Variants in DTX4 observed in about 807,000 individuals in gnomAD.
DTX4 encodes the protein deltex E3 ubiquitin ligase 4.
In DTX4, 28 loss-of-function variants were observed where a neutral mutation model predicts 57.6. That is an observed-to-expected ratio of 0.49 (90% CI 0.36 to 0.67). The LOEUF (loss-of-function observed/expected upper bound fraction) is 0.67, where lower values mean the gene tolerates loss of function less well. Ranked by LOEUF, DTX4 falls within the 30% of genes least tolerant of loss-of-function variation. The pLI, the probability that DTX4 is intolerant of heterozygous loss-of-function variation, is 0.00. For synonymous variants in DTX4, 316 were observed against 331.0 expected, an observed-to-expected ratio of 0.95 and a Z score of 0.49; for missense variants, 715 against 836.8, an observed-to-expected ratio of 0.85 and a Z score of 1.80.
At chr11:59,174,900 C>T (rs1243088369) in intron 1 of DTX4, among the ~76,000 whole-genome samples, 2 of 152,226 alleles carry the variant, frequency 1.3e-5, no homozygotes, top group Non-Finnish European at 2.9e-5. Flanking sequence ...TTCATCCGCT[C>T]ATTGCTAGAG....
In DTX4 at chr11:59,206,775, C is replaced by T. The variant is rs1862816799; in HGVS notation, c.*1866C>T. ...GATGTGCTGGTGCTGAGCCTTTGCTCTCTTTCCAAATGGTTACAGGGATGT... is the reference window on the plus strand; with the variant it reads ...GATGTGCTGGTGCTGAGCCTTTGCTTTCTTTCCAAATGGTTACAGGGATGT... On this transcript the variant is annotated 3_prime_UTR_variant, in exon 9 of 9. Transcript: ENST00000227451. 6.6e-6 allele frequency: 1 copy of T among 152,604 alleles called. No individual in the cohort carries two copies. The highest frequency in any genetic ancestry group is 1.9e-4 in the East Asian group (1 of 5,178). The allele number at this position is 152,604 out of a possible 1,614,324, so 9.5% of individuals were successfully genotyped here.
rs559945597 is a variant in DTX4 at position 59,174,693 on chromosome 11, G to A, written c.211+1887G>A. 5.3e-5 allele frequency among the ~76,000 whole-genome samples: 8 copies of A among 152,226 alleles called. No individual in the cohort carries two copies. The East Asian group carries it at 7.7e-4, about 15-fold the overall frequency. The stretch of plus-strand genomic sequence containing the variant: ...GGTTCATGACCCTTTCTACAGAAGC[G>A]AAGTTGTAGAGAAAACTGGGTGGAA... On this transcript the variant is annotated intron_variant, in intron 1 of 8. Transcript: ENST00000227451.
rs1862792654 is a variant in DTX4, at chr11:59,205,370, C to T, written c.*461C>T. The stretch of plus-strand genomic sequence containing the variant: ...CTCCCTCTGCTGGAGGCAGGGAGCT[C>T]TCACTGTGCAAGGTTGGGGGGTGGG... On this transcript the variant is annotated 3_prime_UTR_variant, in exon 9 of 9. Coordinates refer to ENST00000227451, the MANE Select transcript of DTX4 (RefSeq NM_015177.2). The T allele has an allele frequency of 5.5e-6, 1 of 183,420 alleles. No homozygotes were observed. 11.4% of individuals were successfully genotyped at this position (183,420 alleles called of 1,614,324 possible). A position where few individuals can be genotyped will look rare whatever the true frequency, so the allele number is the denominator to read the frequency against.
chr11:59,173,594 G>GA (rs1862357137), intron 1 of DTX4, among the ~76,000 whole-genome samples: 1 of 152,196 alleles, frequency 6.6e-6, no homozygotes, highest in East Asian at 1.9e-4. Flanking sequence ...TTCCTAAGGA[G>GA]AAACTGTCCC....
At chr11:59,188,191 G>A (rs1487819611) in intron 2 of DTX4, among the ~76,000 whole-genome samples, 1 of 152,192 alleles carries the variant, frequency 6.6e-6, no homozygotes, top group Non-Finnish European at 1.5e-5. Flanking sequence ...GATTCTAGAA[G>A]GGGGCATAAT....
In DTX4 at chr11:59,189,328, C is replaced by T; in HGVS notation, c.1159+5C>T. 6.5e-7 allele frequency: 1 copy of T among 1,537,244 alleles called. No homozygotes were observed. On this transcript the variant is annotated splice_donor_5th_base_variant and intron_variant, in intron 4 of 8. Transcript: ENST00000227451. The stretch of plus-strand genomic sequence containing the variant: ...CCAAAAAACAAGCCAAGAAAGGTAC[C>T]AGCCTCTTGTCTCGTGGGGTACTGA...
At chr11:59,192,859 A>G (rs1243362358) in intron 6 of DTX4, among the ~76,000 whole-genome samples, 2 of 152,214 alleles carry the variant, frequency 1.3e-5, no homozygotes, top group African/African-American at 2.4e-5. Flanking sequence ...TTATCTGACA[A>G]TGCAATGGTA....
chr11:59,204,694 G>C lies in DTX4; in HGVS notation c.1645G>C (p.Val549Leu). 6.2e-7 allele frequency: 1 copy of C among 1,613,128 alleles called. No individual in the cohort carries two copies. Among genetic ancestry groups the C allele is most frequent in the Non-Finnish European group, 8.5e-7 (1 of 1,179,588 alleles). ...KGRKVLKLLL[V>L]AWDRRLIFAI... ...CCTCTAGGTTCTGAAGCTGCTGCTC[G>C]TGGCCTGGGATCGCCGCCTCATTTT... The change falls in exon 9 of 9, where the codon GTG becomes CTG. Residue 549 changes from valine (V) to leucine (L), a missense_variant. Coordinates refer to ENST00000227451, the MANE Select transcript of DTX4 (RefSeq NM_015177.2).
chr11:59,195,049 C>A, intron 6 of DTX4, 159 bp from the exon 7 acceptor site: 1 of 727,348 alleles, frequency 1.4e-6, no homozygotes. Context: ...GCAGAAATAG[C>A]CTAGGTGACT....
chr11:59,172,819 C>A lies in DTX4; in HGVS notation c.211+13C>A, dbSNP rs374221571. On this transcript the variant is annotated intron_variant, in intron 1 of 8. Transcript: ENST00000227451. ...CGCCAAGACACGGGTGAGCCAGCCG[C>A]CCCTGACCCCGCCCCGCCTGCTCCC... 8.5e-6 allele frequency: 13 copies of A among 1,521,920 alleles called. No homozygotes were observed. The East Asian group carries it at 2.4e-4, about 28-fold the overall frequency. The allele number at this position is 1,521,920 out of a possible 1,614,324, so 94.3% of individuals were successfully genotyped here.
At chr11:59,202,702 C>T (rs1565222301) in intron 8 of DTX4, among the ~76,000 whole-genome samples, 3 of 152,196 alleles carry the variant, frequency 2.0e-5, no homozygotes, top group Admixed American at 2.0e-4. Context: ...CCCCTAGCCA[C>T]TTACTAGCTA....
intron 5 of DTX4, 56 bp downstream of exon 5, chr11:59,191,231 C>G (rs1169490456): frequency 1.6e-5 from 24 of 1,513,828 alleles, no homozygotes; most frequent in Non-Finnish European, 2.2e-5. Context: ...CAAGCATTTC[C>G]TCTTCTGCTG....
intron 7 of DTX4, among the ~76,000 whole-genome samples, chr11:59,199,063 T>C (rs546310454): frequency 6.6e-6 from 1 of 152,320 alleles, no homozygotes; most frequent in South Asian, 2.1e-4. Flanking sequence ...ACTATCCCAA[T>C]TCCTATTGTT....
intron 1 of DTX4, among the ~76,000 whole-genome samples, chr11:59,173,789 T>TG (rs1046048006): frequency 9.4e-5 from 14 of 148,816 alleles, no homozygotes; most frequent in Admixed American, 2.7e-4. Flanking sequence ...GGGTGGGGAG[T>TG]GGGGGTGCTG....
intron 2 of DTX4, among the ~76,000 whole-genome samples, chr11:59,183,442 C>T (rs1054035902): frequency 2.0e-5 from 3 of 152,092 alleles, no homozygotes; most frequent in African/African-American, 4.8e-5. Context: ...ATCATAAAAT[C>T]GAAGTGACCC....
intron 2 of DTX4, among the ~76,000 whole-genome samples, chr11:59,183,791 C>T (rs758166889): frequency 3.3e-5 from 5 of 152,218 alleles, no homozygotes; most frequent in Non-Finnish European, 7.3e-5. Flanking sequence ...GGGTGAGCCA[C>T]AGAATCTTTG....
chr11:59,194,462 A>C (rs1229026049), intron 6 of DTX4, among the ~76,000 whole-genome samples: 2 of 152,174 alleles, frequency 1.3e-5, no homozygotes, highest in Non-Finnish European at 2.9e-5. Flanking sequence ...TTCTCTTTTC[A>C]TAGCAGTAGT....
intron 2 of DTX4, among the ~76,000 whole-genome samples, chr11:59,184,018 T>C (rs1406240754): frequency 6.6e-6 from 1 of 152,240 alleles, no homozygotes; most frequent in Non-Finnish European, 1.5e-5. Context: ...TTCTTTTGGC[T>C]AAAGCCCAGC....
rs1402997966 is a variant in DTX4, at chr11:59,189,173, A to G, written c.1009A>G (p.Ile337Val). Residue 337 changes from isoleucine to valine, a missense_variant, in exon 4 of 9, where the codon ATC (isoleucine) becomes GTC (valine). Ile to Val is a conservative substitution (Grantham distance 29). Transcript: ENST00000227451. The part of the protein sequence containing the change: ...VNPALAGITG[I>V]LMSAAGLPVC... ...CCTGCCCCTTCCAGGAATCACTGGGATCCTCATGAGTGCAGCGGGGCTGCC... is the reference window on the plus strand; with the variant it reads ...CCTGCCCCTTCCAGGAATCACTGGGGTCCTCATGAGTGCAGCGGGGCTGCC... The G allele has an allele frequency of 6.2e-7, 1 of 1,613,476 alleles. No individual in the cohort carries two copies. Among genetic ancestry groups the G allele is most frequent in the Non-Finnish European group, 8.5e-7 (1 of 1,179,858 alleles).
Sources: gnomAD v4.1 joint callset for allele counts (sites outside exome capture counted in the v4.1 genomes callset) on GRCh38, gnomAD v4.1.1 for gene constraint, MANE v1.5 for transcripts, NCBI Gene and HGNC (gene_info 2026-07-23, HGNC 2026-07-21) for gene names.